Variants in RBFOX1 observed in about 807,000 individuals in gnomAD.
RBFOX1 encodes RNA binding protein fox-1 homolog 1.
A neutral mutation model predicts 57.7 loss-of-function variants in RBFOX1; 8 were observed. The observed-to-expected ratio is 0.14, with a 90% CI of 0.08 to 0.25. The LOEUF (loss-of-function observed/expected upper bound fraction) is 0.25, where lower values mean the gene tolerates loss of function less well. Among genes scored for constraint, RBFOX1 ranks in the 10% least tolerant of loss-of-function variants. The probability of loss-of-function intolerance (pLI) is 1.00; values close to 1 mark genes in which losing one functional copy is unlikely to be tolerated. For missense variants in RBFOX1, 611 were observed against 548.5 expected, an observed-to-expected ratio of 1.11 and a Z score of -1.14; for synonymous variants, 326 against 222.4, an observed-to-expected ratio of 1.47 and a Z score of -4.15.
intron 3 of RBFOX1, among the ~76,000 whole-genome samples, chr16:6,929,288 G>T (rs148012244): frequency 2.6e-5 from 4 of 152,188 alleles, no homozygotes; most frequent in African/African-American, 9.6e-5. Flanking sequence ...TAGGAAACTG[G>T]GGAAGCTCTG....
chr16:6,623,654 C>G (rs1274951922), intron 2 of RBFOX1, among the ~76,000 whole-genome samples: 1 of 151,614 alleles, frequency 6.6e-6, no homozygotes, highest in African/African-American at 2.4e-5. Context: ...TCCATGTGTT[C>G]TCATCGTTCA....
intron 4 of RBFOX1, among the ~76,000 whole-genome samples, chr16:5,957,725 A>T (rs2059673654): frequency 6.6e-6 from 1 of 152,112 alleles, no homozygotes; most frequent in South Asian, 2.1e-4. Flanking sequence ...GGCACATGAG[A>T]TGTTTTGATA....
chr16:5,252,993 C>T (rs993435824), intron 1 of RBFOX1, among the ~76,000 whole-genome samples: 2 of 152,206 alleles, frequency 1.3e-5, no homozygotes, highest in East Asian at 3.8e-4. Context: ...GATCCACCGC[C>T]GGTGTGCCTG....
At position 6,722,623 on chromosome 16, in the gene RBFOX1, T is replaced by A. The variant is rs1459834293; in HGVS notation, c.-16+67973T>A. Reference sequence around the variant, plus strand: ...ATCAAGGGGTCCTTAAGTTTCTGTCTTGTGTACTTGAAAATATCCAACTGG... The same window carrying A: ...ATCAAGGGGTCCTTAAGTTTCTGTCATGTGTACTTGAAAATATCCAACTGG... On this transcript the variant is annotated intron_variant, in intron 3 of 15. Coordinates refer to ENST00000550418, the MANE Select transcript of RBFOX1 (RefSeq NM_018723.4). 4.6e-5 allele frequency among the ~76,000 whole-genome samples: 7 copies of A among 152,354 alleles called. No homozygotes were observed. The East Asian group carries it at 1.2e-3, about 25-fold the overall frequency.
chr16:7,381,272 T>C (rs1256431836), intron 4 of RBFOX1, among the ~76,000 whole-genome samples: 1 of 152,222 alleles, frequency 6.6e-6, no homozygotes, highest in Non-Finnish European at 1.5e-5. Context: ...GCCCTGACTT[T>C]TCTTGTTGTC....
chr16:5,854,472 G>A (rs957730554), intron 3 of RBFOX1, among the ~76,000 whole-genome samples: 3 of 152,084 alleles, frequency 2.0e-5, no homozygotes, highest in Non-Finnish European at 4.4e-5. Context: ...TTAGCATAAT[G>A]TCCTCCAGCT....
At position 6,652,819 on chromosome 16, in the gene RBFOX1, G is replaced by A. The variant is rs2098607407; in HGVS notation, c.-63-1784G>A. Among the ~76,000 whole-genome samples, 2 of 152,204 alleles carry A rather than the reference G, an allele frequency of 1.3e-5. 1 individual carries two copies. Among genetic ancestry groups the A allele is most frequent in the Non-Finnish European group, 2.9e-5 (2 of 68,002 alleles). On this transcript the variant is annotated intron_variant, in intron 2 of 15. Transcript: ENST00000550418. Reference sequence around the variant, plus strand: ...CAGGTGGAAAAATGAAAAAATTCTGGAGATGGAGGGTGGTGATGGTTGCAC... The same window carrying A: ...CAGGTGGAAAAATGAAAAAATTCTGAAGATGGAGGGTGGTGATGGTTGCAC...
intron 3 of RBFOX1, among the ~76,000 whole-genome samples, chr16:6,966,700 A>T (rs917912915): frequency 6.6e-6 from 1 of 152,070 alleles, no homozygotes; most frequent in Non-Finnish European, 1.5e-5. Flanking sequence ...AGCGAAATTG[A>T]TCTAAATTAC....
chr16:7,014,917 C>G (rs1306968330), intron 3 of RBFOX1, among the ~76,000 whole-genome samples: 1 of 151,848 alleles, frequency 6.6e-6, no homozygotes, highest in Non-Finnish European at 1.5e-5. Context: ...ACTAGAGGCA[C>G]TTTTGAACAT....
At chr16:7,275,317 C>G (rs1362587143) in intron 4 of RBFOX1, among the ~76,000 whole-genome samples, 3 of 152,148 alleles carry the variant, frequency 2.0e-5, no homozygotes, top group Admixed American at 1.3e-4. Context: ...ATATAATATT[C>G]AAATGTGTTA....
chr16:6,425,923 C>G (rs2093912707), intron 2 of RBFOX1, among the ~76,000 whole-genome samples: 1 of 152,118 alleles, frequency 6.6e-6, no homozygotes, highest in African/African-American at 2.4e-5. Flanking sequence ...CAAAAAGAAT[C>G]CCATGCCTAT....
intron 2 of RBFOX1, among the ~76,000 whole-genome samples, chr16:6,517,021 C>G (rs2096393192): frequency 1.3e-5 from 2 of 152,106 alleles, no homozygotes; most frequent in Non-Finnish European, 2.9e-5. Flanking sequence ...CTAGTGTAGA[C>G]ATCAACATAA....
chr16:6,802,169 G>C lies in RBFOX1; in HGVS notation c.-16+147519G>C, dbSNP rs1453764934. ...AGGAAAGGCCTGGGCACAATTCTGG[G>C]TGGGCTTTGGTTGCATCCCAGCCTT... On this transcript the variant is annotated intron_variant, in intron 3 of 15. Coordinates refer to ENST00000550418, the MANE Select transcript of RBFOX1 (RefSeq NM_018723.4). 2.0e-5 allele frequency among the ~76,000 whole-genome samples: 3 copies of C among 150,824 alleles called. No individual in the cohort carries two copies. The East Asian group carries it at 5.8e-4, about 29-fold the overall frequency.
intron 1 of RBFOX1, among the ~76,000 whole-genome samples, chr16:6,259,892 T>A (rs2097691397): frequency 1.4e-5 from 2 of 145,802 alleles, no homozygotes; most frequent in Admixed American, 1.4e-4. Flanking sequence ...ACCCGAGAGA[T>A]GGAGGGTGCT....
At chr16:7,071,125 A>G (rs1490395889) in intron 4 of RBFOX1, among the ~76,000 whole-genome samples, 1 of 152,170 alleles carries the variant, frequency 6.6e-6, no homozygotes, top group Non-Finnish European at 1.5e-5. Context: ...CAATTTCTTC[A>G]CAAGTGGAGC....
At chr16:5,884,438 C>T (rs1454917032) in intron 4 of RBFOX1, among the ~76,000 whole-genome samples, 5 of 150,264 alleles carry the variant, frequency 3.3e-5, no homozygotes, top group African/African-American at 1.2e-4. Context: ...CCATCTGTTC[C>T]ACCGCCCCGC....
At chr16:6,850,607 T>C (rs1304142741) in intron 3 of RBFOX1, among the ~76,000 whole-genome samples, 1 of 152,226 alleles carries the variant, frequency 6.6e-6, no homozygotes, top group Non-Finnish European at 1.5e-5. Context: ...CTTCTTCCCA[T>C]GCCTTCCACA....
chr16:6,921,790 A>G (rs1466065578), intron 3 of RBFOX1, among the ~76,000 whole-genome samples: 1 of 152,036 alleles, frequency 6.6e-6, no homozygotes, highest in Non-Finnish European at 1.5e-5. Flanking sequence ...GTATATGCAC[A>G]CACACATGAA....
At chr16:5,547,632 A>T (rs891977451) in intron 2 of RBFOX1, among the ~76,000 whole-genome samples, 1 of 152,164 alleles carries the variant, frequency 6.6e-6, no homozygotes. Context: ...AGAGGGAGAG[A>T]TTACAGAGAG....
Sources: gnomAD v4.1 joint callset for allele counts (sites outside exome capture counted in the v4.1 genomes callset) on GRCh38, gnomAD v4.1.1 for gene constraint, MANE v1.5 for transcripts, NCBI Gene and HGNC (gene_info 2026-07-23, HGNC 2026-07-21) for gene names.